AKT3: variants seen among roughly 807,000 people sequenced by gnomAD.
AKT3 encodes AKT serine/threonine kinase 3.
A neutral mutation model predicts 65.3 loss-of-function variants in AKT3; 15 were observed. The ratio of observed to expected loss-of-function variants is 0.23; its 90% CI spans 0.15 to 0.35. The LOEUF (loss-of-function observed/expected upper bound fraction) is 0.35, where lower values mean the gene tolerates loss of function less well. Among genes scored for constraint, AKT3 ranks in the 10% least tolerant of loss-of-function variants. AKT3 has a pLI of 1.00. For synonymous variants in AKT3, 206 were observed against 183.8 expected (o/e 1.12, Z -0.98); for missense variants, 243 against 576.5 (o/e 0.42, Z 5.92).
chr1:243,693,322 C>T (rs1335717769), intron 3 of AKT3, among the ~76,000 whole-genome samples: 2 of 113,464 alleles, frequency 1.8e-5, no homozygotes, highest in African/African-American at 6.6e-5. Context: ...TTAGAAATAC[C>T]TTGTAAAATT....
chr1:243,602,910 A>G (rs1312964050), intron 8 of AKT3, among the ~76,000 whole-genome samples: 1 of 152,202 alleles, frequency 6.6e-6, no homozygotes, highest in East Asian at 1.9e-4. Flanking sequence ...CAGACTTGAG[A>G]GAGATTTGCA....
intron 4 of AKT3, among the ~76,000 whole-genome samples, chr1:243,664,037 G>T (rs1303423237): frequency 6.6e-6 from 1 of 152,024 alleles, no homozygotes; most frequent in Non-Finnish European, 1.5e-5. Context: ...AGAATCCTTA[G>T]CAACTTAGTG....
chr1:243,565,293 G>A (rs962145011), intron 9 of AKT3, among the ~76,000 whole-genome samples: 10 of 152,198 alleles, frequency 6.6e-5, no homozygotes, highest in Non-Finnish European at 1.5e-4. Context: ...GTGCAGTGGT[G>A]CAATCACAGC....
rs548023545 is a variant in AKT3 at position 243,837,775 on chromosome 1, C to T, written c.46+5350G>A. Among the ~76,000 whole-genome samples the T allele has an allele frequency of 9.9e-5, 15 of 152,202 alleles. No homozygotes were observed. The South Asian group carries it at 2.7e-3, about 27-fold the overall frequency. On this transcript the variant is annotated intron_variant, in intron 2 of 13. Transcript: ENST00000673466. ...AAGGGCAGCAACAGAAAAGGAACAGCTAATGTGATACTTAAGTGGTAAAAT... is the reference window on the plus strand; with the variant it reads ...AAGGGCAGCAACAGAAAAGGAACAGTTAATGTGATACTTAAGTGGTAAAAT...
At chr1:243,629,950 C>A (rs532407947) in intron 6 of AKT3, among the ~76,000 whole-genome samples, 1 of 152,178 alleles carries the variant, frequency 6.6e-6, no homozygotes, top group Non-Finnish European at 1.5e-5. Context: ...ATGACTATGG[C>A]ATATATTCCC....
chr1:243,659,211 A>G (rs1682073580), intron 4 of AKT3, among the ~76,000 whole-genome samples: 1 of 152,228 alleles, frequency 6.6e-6, no homozygotes, highest in African/African-American at 2.4e-5. Flanking sequence ...ATGTGTCTAA[A>G]GTAGTCGAAT....
At position 243,697,558 on chromosome 1, in the gene AKT3, C is replaced by T. The variant is rs1435019341; in HGVS notation, c.47-1842G>A. Among the ~76,000 whole-genome samples, 6 of 152,038 alleles carry T rather than the reference C, an allele frequency of 3.9e-5. No homozygotes were observed. The South Asian group carries it at 1.0e-3, about 26-fold the overall frequency. On this transcript the variant is annotated intron_variant, in intron 2 of 13. Transcript: ENST00000673466. The stretch of plus-strand genomic sequence containing the variant: ...TTATGTGAAAATCCATTGATCTATA[C>T]TGGACTTTGAATGAATCTTTAACAC...
chr1:243,826,568 GCCTTGAACAGAGATGTAATGC>G (rs1177405198), intron 2 of AKT3, among the ~76,000 whole-genome samples: 1 of 152,152 alleles, frequency 6.6e-6, no homozygotes, highest in Admixed American at 6.6e-5. Context: ...CCATTTGACT[GCCTTGAACAGAGATGTAATGC>G]CCATTACTAC....
intron 2 of AKT3, among the ~76,000 whole-genome samples, chr1:243,747,997 T>C (rs1405092686): frequency 6.6e-6 from 1 of 152,214 alleles, no homozygotes; most frequent in Non-Finnish European, 1.5e-5. Context: ...TGTTTTATAC[T>C]AAGGCCCAAC....
At chr1:243,631,089 T>C (rs1455083494) in intron 6 of AKT3, among the ~76,000 whole-genome samples, 2 of 152,202 alleles carry the variant, frequency 1.3e-5, no homozygotes, top group South Asian at 2.1e-4. Flanking sequence ...ATATAAGTTA[T>C]GTTTACACTG....
chr1:243,845,074 G>A (rs1236578800), intron 1 of AKT3, among the ~76,000 whole-genome samples: 1 of 152,182 alleles, frequency 6.6e-6, no homozygotes, highest in Non-Finnish European at 1.5e-5. Context: ...GTTAAGTTCA[G>A]TGTTAGACTC....
intron 8 of AKT3, among the ~76,000 whole-genome samples, chr1:243,602,237 TA>T (rs1426909471): frequency 6.6e-6 from 1 of 152,176 alleles, no homozygotes; most frequent in Non-Finnish European, 1.5e-5. Flanking sequence ...AATTATATAC[TA>T]AAAATGCTTC....
chr1:243,673,343 A>G (rs1683281398), intron 3 of AKT3, among the ~76,000 whole-genome samples: 3 of 152,288 alleles, frequency 2.0e-5, no homozygotes, highest in Middle Eastern at 6.8e-3. Flanking sequence ...GAATACATAC[A>G]TTTTTAGACC....
At chr1:243,610,844 T>A (rs1418557685) in intron 8 of AKT3, among the ~76,000 whole-genome samples, 1 of 152,326 alleles carries the variant, frequency 6.6e-6, no homozygotes, top group East Asian at 1.9e-4. Context: ...TGCACCTAGT[T>A]TTTTTAACTT....
Position 243,646,033 on chromosome 1 carries a change from C to A in AKT3, c.289G>T (p.Glu97Ter). ...FHVDTPEERE[E>*]WTEAIQAVAD... is the part of the protein sequence containing the mutation. ...ACAGCCTGGATAGCTTCTGTCCATT[C>A]TTCCCTATAAAAATGAGTAAAATTT... The change falls in exon 5 of 14, where the codon GAA becomes TAA. Residue 97 changes from glutamate (E) to a stop codon, truncating the protein, a stop_gained. Transcript: ENST00000673466. LOFTEE classifies it high-confidence loss of function. 1 of 1,595,000 alleles carries A rather than the reference C, an allele frequency of 6.3e-7. No homozygotes were observed. Among genetic ancestry groups the A allele is most frequent in the Non-Finnish European group, 8.5e-7 (1 of 1,174,436 alleles).
At chr1:243,772,516 T>C (rs1690254706) in intron 2 of AKT3, among the ~76,000 whole-genome samples, 1 of 152,116 alleles carries the variant, frequency 6.6e-6, no homozygotes, top group African/African-American at 2.4e-5. Flanking sequence ...AGAATGGCGA[T>C]CATTAAAAAG....
At chr1:243,778,840 A>G (rs1055824775) in intron 2 of AKT3, among the ~76,000 whole-genome samples, 2 of 152,074 alleles carry the variant, frequency 1.3e-5, no homozygotes, top group Admixed American at 6.5e-5. Flanking sequence ...AGCAAATACA[A>G]CTATAACATC....
At chr1:243,714,542 G>C (rs1210050285) in intron 2 of AKT3, among the ~76,000 whole-genome samples, 2 of 152,148 alleles carry the variant, frequency 1.3e-5, no homozygotes, top group Non-Finnish European at 2.9e-5. Context: ...TGAAGCAGAT[G>C]TAACTCTTCC....
At chr1:243,733,220 TAC>T (rs1308203925) in intron 2 of AKT3, among the ~76,000 whole-genome samples, 48 of 152,158 alleles carry the variant, frequency 3.2e-4, no homozygotes, top group Admixed American at 2.1e-3. Flanking sequence ...ATATCAAAAA[TAC>T]TAAAGGCAAA....
Sources: gnomAD v4.1 joint callset for allele counts (sites outside exome capture counted in the v4.1 genomes callset) on GRCh38, gnomAD v4.1.1 for gene constraint, MANE v1.5 for transcripts, NCBI Gene and HGNC (gene_info 2026-07-23, HGNC 2026-07-21) for gene names.